XPNPEP2: variants seen among roughly 807,000 people sequenced by gnomAD.
The protein encoded by XPNPEP2 is X-prolyl aminopeptidase 2, also known as xaa-Pro aminopeptidase 2.
In XPNPEP2, 64 loss-of-function variants were observed where a neutral mutation model predicts 59.8. The ratio of observed to expected loss-of-function variants is 1.07; its 90% CI spans 0.87 to 1.32. The LOEUF is 1.32. Among genes scored for constraint, XPNPEP2 ranks in the 40% most tolerant of loss-of-function variants. XPNPEP2 has a pLI of 0.00. For synonymous variants in XPNPEP2, 235 were observed against 210.0 expected, an observed-to-expected ratio of 1.12 and a Z score of -1.03; for missense variants, 575 against 546.8, an observed-to-expected ratio of 1.05 and a Z score of -0.51.
In XPNPEP2 at chrX:129,768,536, C is replaced by T; in HGVS notation, c.*51C>T. 9.6e-7 allele frequency: 1 copy of T among 1,045,814 alleles called. No individual in the cohort carries two copies. The allele number at this position is 1,045,814 out of a possible 1,213,427, so 86.2% of individuals were successfully genotyped here. ...TCCATCTAGATGGGGGGCTCCCTTG[C>T]TTAGCTCCCCTCACCCTGCACTGAA... On this transcript the variant is annotated 3_prime_UTR_variant, in exon 21 of 21. Transcript: ENST00000371106.
chrX:129,766,582 C>G (rs1026020737), intron 19 of XPNPEP2, among the ~76,000 whole-genome samples: 1 of 110,827 alleles, frequency 9.0e-6, no homozygotes, highest in Non-Finnish European at 1.9e-5. Flanking sequence ...GATCACAGCC[C>G]GCTGCAGCTT....
intron 7 of XPNPEP2, 102 bp from the exon 8 acceptor site, chrX:129,750,366 T>C: frequency 1.6e-6 from 1 of 608,547 alleles, no homozygotes; most frequent in East Asian, 3.7e-5. Flanking sequence ...CGCTGCTTTT[T>C]AAGAGGATGC....
At chrX:129,744,094 C>T in intron 3 of XPNPEP2, 23 bp downstream of exon 3, 1 of 1,166,787 alleles carries the variant, frequency 8.6e-7, no homozygotes, top group Non-Finnish European at 1.2e-6. Flanking sequence ...TTCTCTCCCC[C>T]TTGCCCTCTC....
chrX:129,751,583 A>AAGGAAGG (rs1666568691), intron 8 of XPNPEP2, among the ~76,000 whole-genome samples, 162 bp from the exon 9 acceptor site: 3 of 73,512 alleles, frequency 4.1e-5, no homozygotes, highest in East Asian at 5.4e-4. Flanking sequence ...AGAAAGAAAG[A>AAGGAAGG]AAGAAAGAAA....
At position 129,768,443 on chromosome X, in the gene XPNPEP2, G is replaced by A; in HGVS notation, c.1983G>A (p.Val661=). 8.3e-7 allele frequency: 1 copy of A among 1,200,549 alleles called. No homozygotes were observed. The highest frequency in any genetic ancestry group is 1.1e-6 in the Non-Finnish European group (1 of 890,796). ...CAGACACCGCCTCCTGGGCCTCTGT[G>A]TTAGTGGTCTCCACCCTTGCCATCC... ...RAPDTASWAS[V]LVVSTLAILG... is the part of the protein sequence containing the mutation. The change falls in exon 21 of 21, where the codon GTG becomes GTA. Residue 661 remains valine (V), a synonymous_variant. Transcript: ENST00000371106.
At chrX:129,742,085 T>TGG in intron 1 of XPNPEP2, 23 bp from the exon 2 acceptor site, 1 of 1,203,828 alleles carries the variant, frequency 8.3e-7, no homozygotes, top group Non-Finnish European at 1.1e-6. Flanking sequence ...CAAATGACCC[T>TGG]GGATTTTTCT....
chrX:129,757,073 T>TACACACACAC (rs752092311), intron 14 of XPNPEP2, among the ~76,000 whole-genome samples: 1 of 83,688 alleles, frequency 1.2e-5, no homozygotes, highest in African/African-American at 4.4e-5. Context: ...TACACACACA[T>TACACACACAC]ACACACACAC....
intron 8 of XPNPEP2, among the ~76,000 whole-genome samples, chrX:129,751,434 C>A (rs1403741746): frequency 9.3e-6 from 1 of 108,107 alleles, no homozygotes; most frequent in South Asian, 4.1e-4. Flanking sequence ...CTTGAACCTG[C>A]GAGGTGGAGA....
intron 14 of XPNPEP2, 123 bp downstream of exon 14, chrX:129,756,678 G>T: frequency 1.4e-6 from 1 of 704,723 alleles, no homozygotes; most frequent in Non-Finnish European, 2.2e-6. Context: ...GGAGAGATCT[G>T]GAATGAGCCC....
chrX:129,767,578 C>A, intron 19 of XPNPEP2, 25 bp from the exon 20 acceptor site: 1 of 1,203,323 alleles, frequency 8.3e-7, no homozygotes, highest in Non-Finnish European at 1.1e-6. Flanking sequence ...GTCCTGCTTA[C>A]CCGGCTTCTA....
In XPNPEP2 at chrX:129,749,272, T is replaced by C. The variant is rs146114086; in HGVS notation, c.638-1196T>C. On this transcript the variant is annotated intron_variant, in intron 7 of 20. Coordinates refer to ENST00000371106, the MANE Select transcript of XPNPEP2 (RefSeq NM_003399.6). ...GGATAGGGAGTGACTCCTTAGTGAGTACAGGGTTTCCTTTGGGGATGAAGA... is the reference window on the plus strand; with the variant it reads ...GGATAGGGAGTGACTCCTTAGTGAGCACAGGGTTTCCTTTGGGGATGAAGA... Among the ~76,000 whole-genome samples the C allele has an allele frequency of 4.3e-3, 479 of 111,643 alleles. 4 individuals carry two copies. Among genetic ancestry groups the C allele is most frequent in the African/African-American group, 0.013 (405 of 30,727 alleles).
intron 2 of XPNPEP2, among the ~76,000 whole-genome samples, chrX:129,742,963 G>A (rs1291414061): frequency 9.0e-6 from 1 of 111,705 alleles, no homozygotes; most frequent in Non-Finnish European, 1.9e-5. Context: ...AGAGAGGGAG[G>A]CCTAGGGTGT....
At chrX:129,743,210 C>T (rs1200741659) in intron 2 of XPNPEP2, among the ~76,000 whole-genome samples, 4 of 112,475 alleles carry the variant, frequency 3.6e-5, no homozygotes, top group Non-Finnish European at 7.5e-5. Context: ...ATGGATATAT[C>T]GTGGAGTAGA....
intron 17 of XPNPEP2, among the ~76,000 whole-genome samples, chrX:129,761,746 G>C (rs1008100247): frequency 3.6e-5 from 4 of 111,847 alleles, no homozygotes; most frequent in African/African-American, 1.3e-4. Context: ...ATCCCAGGAG[G>C]TCAAGGCTGC....
chrX:129,751,527 AAAGAAAGG>A (rs1355834771), intron 8 of XPNPEP2, among the ~76,000 whole-genome samples: 4 of 91,636 alleles, frequency 4.4e-5, no homozygotes, highest in Non-Finnish European at 4.3e-5. Flanking sequence ...AAAGAAAAAG[AAAGAAAGG>A]AAGAAAGAAA....
Position 129,739,213 on chromosome X carries a change from T to C in XPNPEP2, c.-1T>C. The C allele has an allele frequency of 8.3e-7, 1 of 1,209,259 alleles. No homozygotes were observed. The highest frequency in any genetic ancestry group is 3.0e-5 in the East Asian group (1 of 33,821). ...ACCCAGCGCCGGCATCTGGAGACCC[T>C]ATGGCCCGGGCTCACTGGGGCTGCT... On this transcript the variant is annotated 5_prime_UTR_variant, in exon 1 of 21. Transcript: ENST00000371106.
chrX:129,759,585 G>A (rs1021351335), intron 15 of XPNPEP2, among the ~76,000 whole-genome samples: 3 of 112,792 alleles, frequency 2.7e-5, no homozygotes, highest in Non-Finnish European at 5.6e-5. Flanking sequence ...AGCCTCCGCG[G>A]TGGAAAGGAG....
chrX:129,757,799 GAAA>G (rs1926556585), intron 14 of XPNPEP2, among the ~76,000 whole-genome samples: 1 of 42,739 alleles, frequency 2.3e-5, no homozygotes, highest in African/African-American at 1.2e-4. Context: ...ATAAAAGGAA[GAAA>G]GAAAGAAAGA....
rs1926640984 is a variant in XPNPEP2, at chrX:129,760,720, A to AGAGAAAGT, written c.1498+142_1498+149dup. 1.8e-5 allele frequency: 12 copies of AGAGAAAGT among 662,929 alleles called. No individual in the cohort carries two copies. The East Asian group carries it at 4.0e-4, about 22-fold the overall frequency. The allele number at this position is 662,929 out of a possible 1,213,427, so 54.6% of individuals were successfully genotyped here. A position where few individuals can be genotyped will look rare whatever the true frequency, so the allele number is the denominator to read the frequency against. ...GTAGATGAGAAAATCCAGCCTAGAGAGAGAAAGTGACTTGCCCAAGGTCAC... is the reference window on the plus strand; with the variant it reads ...GTAGATGAGAAAATCCAGCCTAGAGAGAGAAAGTGAGAAAGTGACTTGCCCAAGGTCAC... On this transcript the variant is annotated intron_variant, in intron 16 of 20. Transcript: ENST00000371106.
Sources: gnomAD v4.1 joint callset for allele counts (sites outside exome capture counted in the v4.1 genomes callset) on GRCh38, gnomAD v4.1.1 for gene constraint, MANE v1.5 for transcripts, NCBI Gene and HGNC (gene_info 2026-07-23, HGNC 2026-07-21) for gene names.